Variants in PBX1 observed in about 807,000 individuals in gnomAD.
PBX1 encodes pre-B-cell leukemia transcription factor 1.
In PBX1, 6 loss-of-function variants were observed where a neutral mutation model predicts 53.4. The observed-to-expected ratio is 0.11, with a 90% CI of 0.06 to 0.22. The LOEUF is 0.22. PBX1 is among the 10% of genes least tolerant of loss of function. PBX1 has a pLI of 1.00. For missense variants in PBX1, 251 were observed against 551.4 expected (o/e 0.46, Z 5.46); for synonymous variants, 204 against 212.3 (o/e 0.96, Z 0.34).
intron 8 of PBX1, among the ~76,000 whole-genome samples, chr1:164,841,968 G>T (rs974861779): frequency 6.6e-6 from 1 of 152,206 alleles, no homozygotes; most frequent in Non-Finnish European, 1.5e-5. Flanking sequence ...GCACCTCAGC[G>T]TATTTCTGGG....
At chr1:164,726,925 A>G (rs1664728232) in intron 2 of PBX1, among the ~76,000 whole-genome samples, 1 of 152,008 alleles carries the variant, frequency 6.6e-6, no homozygotes, top group Admixed American at 6.5e-5. Flanking sequence ...TGCTGTTTTT[A>G]CCCCCAAGAG....
chr1:164,758,715 CT>C (rs1666654709), intron 2 of PBX1, among the ~76,000 whole-genome samples: 1 of 150,166 alleles, frequency 6.7e-6, no homozygotes, highest in Non-Finnish European at 1.5e-5. Flanking sequence ...TTTTTTTTTC[CT>C]CATGCTCCTT....
At chr1:164,643,836 C>A (rs1327964641) in intron 2 of PBX1, among the ~76,000 whole-genome samples, 1 of 152,156 alleles carries the variant, frequency 6.6e-6, no homozygotes, top group Non-Finnish European at 1.5e-5. Flanking sequence ...GGTTTAAACT[C>A]ATGTCTACCT....
At chr1:164,785,151 G>T (rs1668114624) in intron 2 of PBX1, among the ~76,000 whole-genome samples, 1 of 152,152 alleles carries the variant, frequency 6.6e-6, no homozygotes, top group Non-Finnish European at 1.5e-5. Flanking sequence ...GTGTCAACTC[G>T]GGTGGTAACT....
chr1:164,645,585 AGGTGGGAGAAAAACCAT>A (rs1659404089), intron 2 of PBX1, among the ~76,000 whole-genome samples: 1 of 152,108 alleles, frequency 6.6e-6, no homozygotes, highest in South Asian at 2.1e-4. Flanking sequence ...GGAACAAGAG[AGGTGGGAGAAAAACCAT>A]GGCAGGAGGA....
rs1018529680 is a variant in PBX1 at position 164,849,606 on chromosome 1, G to A, written c.*2930G>A. The A allele has an allele frequency of 4.0e-5, 28 of 705,080 alleles. No homozygotes were observed. Among genetic ancestry groups the A allele is most frequent in the African/African-American group, 2.1e-4 (12 of 55,952 alleles). The allele number at this position is 705,080 out of a possible 1,614,324, so 43.7% of individuals were successfully genotyped here. ...CGACAGCGAATTTCCCCTGAGAAAC[G>A]ATACTAGACCCTGGGTTTGCCCACC... On this transcript the variant is annotated 3_prime_UTR_variant, in exon 9 of 9. Coordinates refer to ENST00000420696, the MANE Select transcript of PBX1 (RefSeq NM_002585.4).
chr1:164,610,077 C>T (rs1056490108), intron 2 of PBX1, among the ~76,000 whole-genome samples: 4 of 152,152 alleles, frequency 2.6e-5, no homozygotes, highest in South Asian at 2.1e-4. Context: ...CATGCCTGCG[C>T]GTCTCCTTTT....
chr1:164,875,249 A>G (rs1454161061), intron 2 of PBX1, among the ~76,000 whole-genome samples: 1 of 152,192 alleles, frequency 6.6e-6, no homozygotes, highest in Non-Finnish European at 1.5e-5. Flanking sequence ...GAAGCTGTCA[A>G]ACAGGGATAC....
chr1:164,640,935 AG>A (rs1038586859), intron 2 of PBX1: 1 of 152,542 alleles, frequency 6.6e-6, no homozygotes, highest in African/African-American at 2.4e-5. Flanking sequence ...TCTCTGTCAA[AG>A]GAGGACTTGG....
chr1:164,670,069 A>C (rs1326069197), intron 2 of PBX1, among the ~76,000 whole-genome samples: 2 of 150,444 alleles, frequency 1.3e-5, no homozygotes, highest in Admixed American at 1.3e-4. Flanking sequence ...AGAGTGTGAG[A>C]GTACTAAGCC....
chr1:164,650,951 G>T (rs966131395), intron 2 of PBX1, among the ~76,000 whole-genome samples: 7 of 122,868 alleles, frequency 5.7e-5, no homozygotes, highest in African/African-American at 1.7e-4. Context: ...TGGGGGGAAT[G>T]ATGTTGCTCA....
At chr1:164,841,699 G>C (rs183098782) in intron 8 of PBX1, among the ~76,000 whole-genome samples, 163 of 152,274 alleles carry the variant, frequency 1.1e-3, no homozygotes, top group African/African-American at 3.8e-3. Flanking sequence ...ATAGAAGAGT[G>C]ATGAATCTAG....
At chr1:164,571,162 T>G (rs943246146) in intron 2 of PBX1, among the ~76,000 whole-genome samples, 1 of 152,250 alleles carries the variant, frequency 6.6e-6, no homozygotes. Context: ...TTCATTATTT[T>G]TATAGCTTTC....
At chr1:164,601,070 C>T (rs986106503) in intron 2 of PBX1, among the ~76,000 whole-genome samples, 12 of 151,760 alleles carry the variant, frequency 7.9e-5, no homozygotes, top group African/African-American at 2.7e-4. Flanking sequence ...GAAACCCCGT[C>T]TCTACTAAAA....
intron 2 of PBX1, among the ~76,000 whole-genome samples, chr1:164,664,495 T>C (rs988461896): frequency 1.5e-4 from 23 of 152,176 alleles, no homozygotes; most frequent in African/African-American, 5.1e-4. Context: ...AAACTGACCA[T>C]ACCAAAACTA....
At chr1:164,840,082 T>A (rs1241713953) in intron 8 of PBX1, among the ~76,000 whole-genome samples, 1 of 152,088 alleles carries the variant, frequency 6.6e-6, no homozygotes, top group Non-Finnish European at 1.5e-5. Flanking sequence ...ACTTTCTCGG[T>A]CTTTAAGGAA....
chr1:164,582,310 A>G (rs972754515), intron 2 of PBX1, among the ~76,000 whole-genome samples: 1 of 152,238 alleles, frequency 6.6e-6, no homozygotes, highest in African/African-American at 2.4e-5. Context: ...AAAAAGGGAA[A>G]TAGGATCCGT....
At chr1:164,690,787 A>G (rs1662425939) in intron 2 of PBX1, among the ~76,000 whole-genome samples, 1 of 152,048 alleles carries the variant, frequency 6.6e-6, no homozygotes, top group Non-Finnish European at 1.5e-5. Context: ...TATTCAATAT[A>G]TGTTAACCTG....
intron 8 of PBX1, among the ~76,000 whole-genome samples, chr1:164,843,425 T>TG: frequency 6.6e-6 from 1 of 152,220 alleles, no homozygotes; most frequent in South Asian, 2.1e-4. Flanking sequence ...CTCAGGCTGT[T>TG]GGGGTCTACT....
Sources: gnomAD v4.1 joint callset for allele counts (sites outside exome capture counted in the v4.1 genomes callset) on GRCh38, gnomAD v4.1.1 for gene constraint, MANE v1.5 for transcripts, NCBI Gene and HGNC (gene_info 2026-07-23, HGNC 2026-07-21) for gene names.